Variants in SP3 observed in about 807,000 individuals in gnomAD.
SP3 encodes Sp3 transcription factor.
Under a neutral mutation model 70.3 loss-of-function variants are expected in SP3, and 10 were observed. That is an observed-to-expected ratio of 0.14 (90% confidence interval 0.09 to 0.24). SP3 has a LOEUF of 0.24. SP3 is among the 10% of genes least tolerant of loss of function. SP3 has a pLI of 1.00. For missense variants in SP3, 825 were observed against 914.6 expected (o/e 0.90, Z 1.26); for synonymous variants, 402 against 333.5 (o/e 1.21, Z -2.24).
intron 4 of SP3, among the ~76,000 whole-genome samples, chr2:173,935,411 CA>C (rs1559099346): frequency 1.3e-5 from 2 of 152,172 alleles, no homozygotes; most frequent in South Asian, 2.1e-4. Flanking sequence ...ACCCAACCAA[CA>C]AAACAATCAA....
chr2:173,954,850 G>T (rs772404110), intron 4 of SP3, 23 bp downstream of exon 4: 2 of 1,596,826 alleles, frequency 1.3e-6, no homozygotes, highest in Non-Finnish European at 8.6e-7. Flanking sequence ...CTTATTTATG[G>T]CATGACATAA....
Position 173,924,406 on chromosome 2 carries a change from C to T in SP3, c.1640-5621G>A, listed in dbSNP as rs539449543. ...GACCTGTAATTAGTAAACTGACTAG[C>T]GAGATATTCACTTCACCTTATTAAA... On this transcript the variant is annotated intron_variant, in intron 4 of 6. Transcript: ENST00000310015. Among the ~76,000 whole-genome samples the T allele has an allele frequency of 4.6e-5, 7 of 152,266 alleles. 1 individual carries two copies. The highest frequency in any genetic ancestry group is 7.2e-5 in the African/African-American group (3 of 41,554).
intron 1 of SP3, 63 bp downstream of exon 1, chr2:173,965,102 G>C (rs1048784045): frequency 5.2e-6 from 8 of 1,543,728 alleles, no homozygotes; most frequent in East Asian, 2.5e-5. Context: ...CCCCGGGCTG[G>C]CTGTGGTCGG....
At position 173,937,083 on chromosome 2, in the gene SP3, A is replaced by G. The variant is rs184757007; in HGVS notation, c.1639+17790T>C. ...AATCTGTAAGCTTCTTGAGAAAATGAACACATACATACTTCTACAGACAAT... is the reference window on the plus strand; with the variant it reads ...AATCTGTAAGCTTCTTGAGAAAATGGACACATACATACTTCTACAGACAAT... On this transcript the variant is annotated intron_variant, in intron 4 of 6. Coordinates refer to ENST00000310015, the MANE Select transcript of SP3 (RefSeq NM_003111.5). Among the ~76,000 whole-genome samples the G allele has an allele frequency of 9.2e-5, 14 of 152,330 alleles. No homozygotes were observed. In the East Asian group the frequency reaches 2.5e-3, roughly 27 times the overall value.
chr2:173,926,811 TA>T (rs926845893), intron 4 of SP3, among the ~76,000 whole-genome samples: 25 of 152,144 alleles, frequency 1.6e-4, no homozygotes, highest in Admixed American at 8.5e-4. Context: ...TAAAATATTC[TA>T]AAAAAAATAG....
intron 1 of SP3, 105 bp downstream of exon 1, chr2:173,965,060 C>T (rs534176694): frequency 3.5e-6 from 5 of 1,440,222 alleles, no homozygotes; most frequent in African/African-American, 2.9e-5. Context: ...GACACTCGGT[C>T]GCACACACGG....
intron 3 of SP3, among the ~76,000 whole-genome samples, chr2:173,957,903 T>TA (rs1690946995): frequency 6.6e-6 from 1 of 152,168 alleles, no homozygotes; most frequent in South Asian, 2.1e-4. Flanking sequence ...CATCAGACAT[T>TA]AAAGTCACAT....
intron 4 of SP3, among the ~76,000 whole-genome samples, chr2:173,944,618 G>C (rs1028016588): frequency 6.6e-5 from 10 of 152,122 alleles, no homozygotes; most frequent in African/African-American, 2.4e-4. Context: ...TTCTTCTCTT[G>C]GAATAAAATA....
intron 3 of SP3, among the ~76,000 whole-genome samples, chr2:173,959,583 G>A (rs1408997390): frequency 1.3e-5 from 2 of 151,806 alleles, no homozygotes; most frequent in Non-Finnish European, 1.5e-5. Flanking sequence ...AAAATTAGCC[G>A]GGCATGGTGT....
Position 173,916,171 on chromosome 2 carries a change from GTTTCT to G in SP3, c.1832+2417_1832+2421del, listed in dbSNP as rs542741643. On this transcript the variant is annotated intron_variant, in intron 5 of 6. Coordinates refer to ENST00000310015, the MANE Select transcript of SP3 (RefSeq NM_003111.5). The stretch of plus-strand genomic sequence containing the variant: ...CAAACAAGCTCTAAGAAACAATATA[GTTTCT>G]TTTCTTAGGAATCTCAATTTTTATT... 1.6e-3 allele frequency: 244 copies of G among 152,142 alleles called. 1 individual carries two copies. Among genetic ancestry groups the G allele is most frequent in the African/African-American group, 5.7e-3 (236 of 41,536 alleles). 9.4% of individuals were successfully genotyped at this position (152,142 alleles called of 1,614,324 possible).
chr2:173,965,427 T>C (rs747300385), upstream of SP3: 2 of 530,408 alleles, frequency 3.8e-6, no homozygotes, highest in Non-Finnish European at 6.7e-6. Flanking sequence ...CGCCGTGCTC[T>C]TTGTCGGCTG....
rs566494526 is a variant in SP3, at chr2:173,903,900, C to T, written c.*6041G>A. 2.0e-5 allele frequency among the ~76,000 whole-genome samples: 3 copies of T among 149,890 alleles called. No homozygotes were observed. The highest frequency in any genetic ancestry group is 4.0e-4 in the East Asian group (2 of 5,026). Reference sequence around the variant, plus strand: ...CCTGACTCACTTGGCAGGCAATAAACGTGACTTTTTGTTGGTATTTCCTAG... The same window carrying T: ...CCTGACTCACTTGGCAGGCAATAAATGTGACTTTTTGTTGGTATTTCCTAG... On this transcript the variant is annotated 3_prime_UTR_variant, in exon 7 of 7. Coordinates refer to ENST00000310015, the MANE Select transcript of SP3 (RefSeq NM_003111.5).
intron 3 of SP3, chr2:173,963,276 G>A (rs1210831342): frequency 3.9e-5 from 6 of 152,102 alleles, no homozygotes; most frequent in African/African-American, 1.2e-4. Context: ...ATACAAAAGG[G>A]TAATTCAAAG....
chr2:173,958,199 T>G (rs889938260), intron 3 of SP3, among the ~76,000 whole-genome samples: 1 of 151,972 alleles, frequency 6.6e-6, no homozygotes, highest in Non-Finnish European at 1.5e-5. Flanking sequence ...CAAATTAATT[T>G]TATGATACTG....
At chr2:173,913,023 G>C in intron 6 of SP3, 47 bp downstream of exon 6, 1 of 1,399,356 alleles carries the variant, frequency 7.1e-7, no homozygotes, top group Non-Finnish European at 9.6e-7. Context: ...AGGCAGTTAT[G>C]TAGCCCTATA....
At position 173,946,328 on chromosome 2, in the gene SP3, A is replaced by T. The variant is rs551036652; in HGVS notation, c.1639+8545T>A. 1.4e-3 allele frequency among the ~76,000 whole-genome samples: 208 copies of T among 149,698 alleles called. 2 individuals carry two copies. Among genetic ancestry groups the T allele is most frequent in the African/African-American group, 4.6e-3 (186 of 40,740 alleles). ...CCAATATTACTGATTTTTTTTTTTT[A>T]AAGAGATGGGGGTCTATCTTGCCCA... On this transcript the variant is annotated intron_variant, in intron 4 of 6. Coordinates refer to ENST00000310015, the MANE Select transcript of SP3 (RefSeq NM_003111.5).
rs149939812 is a variant in SP3, at chr2:173,918,604, T to C, written c.1821A>G (p.Glu607=). The C allele has an allele frequency of 3.9e-4, 628 of 1,613,156 alleles. No individual in the cohort carries two copies. Among genetic ancestry groups the C allele is most frequent in the Non-Finnish European group, 3.9e-4 (457 of 1,179,432 alleles). ...TCATGTATGCATACCTTCCACCACC[T>C]TCTTTACAGTTGGGACAGGTGCAAG... ...RVACTCPNCK[E]GGGRGTNLGK... is the part of the protein sequence containing the mutation. The change falls in exon 5 of 7, where the codon GAA becomes GAG. Residue 607 remains glutamate (E), a synonymous_variant. Coordinates refer to ENST00000310015, the MANE Select transcript of SP3 (RefSeq NM_003111.5).
rs914248983 is a variant in SP3 at position 173,912,981 on chromosome 2, TTCAG to T, written c.2029+85_2029+88del. 9.7e-5 allele frequency: 91 copies of T among 942,936 alleles called. No homozygotes were observed. The African/African-American group carries it at 1.0e-3, about 11-fold the overall frequency. The allele number at this position is 942,936 out of a possible 1,614,324, so 58.4% of individuals were successfully genotyped here. A position where few individuals can be genotyped will look rare whatever the true frequency, so the allele number is the denominator to read the frequency against. ...TTCATTGTATTTTAAATCGATTCAGTTCAGTAAGGAATGCTAATAAAAAAGAAGT... is the reference window on the plus strand; with the variant it reads ...TTCATTGTATTTTAAATCGATTCAGTTAAGGAATGCTAATAAAAAAGAAGT... On this transcript the variant is annotated intron_variant, in intron 6 of 6. Coordinates refer to ENST00000310015, the MANE Select transcript of SP3 (RefSeq NM_003111.5).
At chr2:173,941,197 C>T (rs1690363660) in intron 4 of SP3, among the ~76,000 whole-genome samples, 1 of 151,120 alleles carries the variant, frequency 6.6e-6, no homozygotes, top group African/African-American at 2.4e-5. Flanking sequence ...AATCATTCTA[C>T]TCATGCTTTC....
Sources: gnomAD v4.1 joint callset for allele counts (sites outside exome capture counted in the v4.1 genomes callset) on GRCh38, gnomAD v4.1.1 for gene constraint, MANE v1.5 for transcripts, NCBI Gene and HGNC (gene_info 2026-07-23, HGNC 2026-07-21) for gene names.